Variants in PTPN11 observed in about 807,000 individuals in gnomAD.
The protein encoded by PTPN11 is protein tyrosine phosphatase non-receptor type 11.
A neutral mutation model predicts 78.8 loss-of-function variants in PTPN11; 6 were observed. The ratio of observed to expected loss-of-function variants is 0.08; its 90% CI spans 0.04 to 0.15. The LOEUF (loss-of-function observed/expected upper bound fraction) is 0.15. PTPN11 is among the 10% of genes least tolerant of loss of function. The pLI, the probability that PTPN11 is intolerant of heterozygous loss-of-function variation, is 1.00. For missense variants in PTPN11, 386 were observed against 744.8 expected (o/e 0.52, Z 5.61); for synonymous variants, 221 against 263.5 (o/e 0.84, Z 1.56).
chr12:112,424,891 A>ATGTG lies in PTPN11; in HGVS notation c.14+5791_14+5794dup, dbSNP rs1223840459. On this transcript the variant is annotated intron_variant, in intron 1 of 15. Coordinates refer to ENST00000351677, the MANE Select transcript of PTPN11 (RefSeq NM_002834.5). ...ATTGTGTGTGTGTGTGTGTGTGTGT[A>ATGTG]TGTGTGTGTGTGTGTGTGTGTGTGT... Among the ~76,000 whole-genome samples, 450 of 80,040 alleles carry ATGTG rather than the reference A, an allele frequency of 5.6e-3. 4 individuals are homozygous for ATGTG. The highest frequency in any genetic ancestry group is 0.013 in the African/African-American group (319 of 24,020). The allele number at this position is 80,040 out of a possible 152,430, so 52.5% of individuals were successfully genotyped here.
chr12:112,489,232 AC>A (rs2038717228), intron 13 of PTPN11, 57 bp downstream of exon 13: 1 of 1,597,598 alleles, frequency 6.3e-7, no homozygotes, highest in African/African-American at 1.3e-5. Flanking sequence ...CCTCTTGGAT[AC>A]GCTCTCCTTT....
At position 112,504,639 on chromosome 12, in the gene PTPN11, C is replaced by A; in HGVS notation, c.1713-56C>A. 1 of 1,306,164 alleles carries A rather than the reference C, an allele frequency of 7.7e-7. No homozygotes were observed. The highest frequency in any genetic ancestry group is 1.1e-6 in the Non-Finnish European group (1 of 913,278). The allele number at this position is 1,306,164 out of a possible 1,614,324, so 80.9% of individuals were successfully genotyped here. A position where few individuals can be genotyped will look rare whatever the true frequency, so the allele number is the denominator to read the frequency against. On this transcript the variant is annotated intron_variant, in intron 14 of 15. Transcript: ENST00000351677. The surrounding 1 kb of genome is among the most constrained non-coding windows in gnomAD (Gnocchi z 4.7). Reference sequence around the variant, plus strand: ...ATGTGTTTTATAGATATCATGTAAGCTTAAACAGCGTGGTCTACATTTTTG... The same window carrying A: ...ATGTGTTTTATAGATATCATGTAAGATTAAACAGCGTGGTCTACATTTTTG...
At chr12:112,430,362 A>G (rs1765000221) in intron 1 of PTPN11, among the ~76,000 whole-genome samples, 2 of 152,182 alleles carry the variant, frequency 1.3e-5, no homozygotes, top group South Asian at 2.1e-4. Context: ...TAGTGTTTGT[A>G]ACAATGTAAG....
intron 1 of PTPN11, among the ~76,000 whole-genome samples, chr12:112,424,956 TTGTGTGTGTGTGTGTGTGTGTGTGTGTG>T (rs34463047): frequency 0.02 from 1,778 of 89,112 alleles, 54 homozygotes; most frequent in African/African-American, 0.071. Context: ...GTCAGGCTAA[TTGTGTGTGTGTGTGTGTGTGTGTGTGTG>T]TGTGTGTGTG....
intron 1 of PTPN11, among the ~76,000 whole-genome samples, chr12:112,421,824 T>C (rs1390084990): frequency 1.3e-5 from 2 of 152,068 alleles, no homozygotes; most frequent in African/African-American, 4.8e-5. Context: ...GACAGGGTTT[T>C]GCCATGTTGG....
intron 7 of PTPN11, among the ~76,000 whole-genome samples, chr12:112,473,967 C>T (rs2135896199): frequency 6.6e-6 from 1 of 152,316 alleles, no homozygotes; most frequent in East Asian, 1.9e-4. Context: ...ACTGTAGCCT[C>T]AACCTCCTGG....
At chr12:112,486,883 T>G in intron 11 of PTPN11, 1 of 1,408,780 alleles carries the variant, frequency 7.1e-7, no homozygotes. Context: ...GCATTATCTC[T>G]GAGTCCACCA....
intron 1 of PTPN11, among the ~76,000 whole-genome samples, chr12:112,422,984 A>G (rs1175225235): frequency 2.6e-5 from 4 of 152,188 alleles, no homozygotes; most frequent in African/African-American, 9.6e-5. Context: ...ATCCAACGCC[A>G]ATGTTTTTAA....
At chr12:112,459,357 C>T (rs1312582368) in intron 6 of PTPN11, among the ~76,000 whole-genome samples, 1 of 151,748 alleles carries the variant, frequency 6.6e-6, no homozygotes, top group Non-Finnish European at 1.5e-5. Flanking sequence ...GCATTAACAA[C>T]TGTTGATAAT....
chr12:112,431,022 G>T (rs28579210), intron 1 of PTPN11, among the ~76,000 whole-genome samples: 275 of 152,328 alleles, frequency 1.8e-3, no homozygotes, highest in African/African-American at 6.2e-3. Flanking sequence ...TGCTGGTGGG[G>T]CCAGTTTGAA....
chr12:112,506,924 G>T lies in PTPN11; in HGVS notation c.*1132G>T. ...AAAACTTAAGTCCAGAATTGTCACA[G>T]TGTCCCTTCTACTTCCCTCTATTGA... On this transcript the variant is annotated 3_prime_UTR_variant, in exon 16 of 16. Coordinates refer to ENST00000351677, the MANE Select transcript of PTPN11 (RefSeq NM_002834.5). 4.6e-6 allele frequency: 1 copy of T among 215,690 alleles called. No homozygotes were observed. Among genetic ancestry groups the T allele is most frequent in the South Asian group, 8.1e-5 (1 of 12,326 alleles). 13.4% of individuals were successfully genotyped at this position (215,690 alleles called of 1,614,324 possible). A position where few individuals can be genotyped will look rare whatever the true frequency, so the allele number is the denominator to read the frequency against.
intron 13 of PTPN11, among the ~76,000 whole-genome samples, chr12:112,495,243 A>T (rs1194097943): frequency 6.6e-6 from 1 of 152,220 alleles, no homozygotes; most frequent in Non-Finnish European, 1.5e-5. Flanking sequence ...CAGTTTTCCA[A>T]TGAATATCCT....
intron 1 of PTPN11, among the ~76,000 whole-genome samples, chr12:112,433,563 TAAC>T (rs2037744776): frequency 6.6e-6 from 1 of 152,194 alleles, no homozygotes; most frequent in African/African-American, 2.4e-5. Context: ...TTATTTGTAA[TAAC>T]AAAAAACCAG....
rs539150092 is a variant in PTPN11 at position 112,481,820 on chromosome 12, C to G, written c.1093-254C>G. ...TTCTTTACAGATAAACAAACATTGA[C>G]TCTGCTTTGACATGTGCTTGGATCA... On this transcript the variant is annotated intron_variant, in intron 9 of 15. Coordinates refer to ENST00000351677, the MANE Select transcript of PTPN11 (RefSeq NM_002834.5). Among the ~76,000 whole-genome samples, 9 of 152,102 alleles carry G rather than the reference C, an allele frequency of 5.9e-5. 2 individuals carry two copies. The South Asian group carries it at 1.9e-3, about 32-fold the overall frequency.
intron 1 of PTPN11, among the ~76,000 whole-genome samples, chr12:112,426,811 T>A (rs1011873439): frequency 5.9e-5 from 9 of 152,084 alleles, no homozygotes; most frequent in Non-Finnish European, 1.5e-5. Flanking sequence ...TTATTTATTT[T>A]ATTTTTGTAG....
rs1403305619 is a variant in PTPN11 at position 112,482,553 on chromosome 12, G to C, written c.1224+348G>C. ...AGTTCGAGACCAGCCCTGGGTGGGAGACTGGGATAGGGTGACCTGAGTGGC... is the reference window on the plus strand; with the variant it reads ...AGTTCGAGACCAGCCCTGGGTGGGACACTGGGATAGGGTGACCTGAGTGGC... On this transcript the variant is annotated intron_variant, in intron 10 of 15. Transcript: ENST00000351677. The surrounding 1 kb of genome is among the most constrained non-coding windows in gnomAD (Gnocchi z 4.4). Among the ~76,000 whole-genome samples the C allele has an allele frequency of 6.6e-6, 1 of 152,204 alleles. No homozygotes were observed. The highest frequency in any genetic ancestry group is 1.5e-5 in the Non-Finnish European group (1 of 68,040).
chr12:112,478,987 A>G (rs1313774645), intron 9 of PTPN11, among the ~76,000 whole-genome samples: 1 of 151,802 alleles, frequency 6.6e-6, no homozygotes, highest in Non-Finnish European at 1.5e-5. Context: ...ACCTTCCTTG[A>G]CCTCCCAAAG....
chr12:112,461,997 T>C (rs1264924327), intron 6 of PTPN11, among the ~76,000 whole-genome samples: 2 of 152,228 alleles, frequency 1.3e-5, no homozygotes, highest in African/African-American at 4.8e-5. Flanking sequence ...CCCAATAATA[T>C]GATTACTGAA....
intron 2 of PTPN11, among the ~76,000 whole-genome samples, chr12:112,447,719 C>T (rs574324720): frequency 6.7e-6 from 1 of 150,296 alleles, no homozygotes; most frequent in East Asian, 2.0e-4. Flanking sequence ...AGGCTGGTCT[C>T]AAACTCCTGA....
Sources: allele counts gnomAD v4.1 joint callset (sites outside exome capture counted in the v4.1 genomes callset), GRCh38; gene constraint gnomAD v4.1.1; non-coding constraint Gnocchi (gnomAD v3.1); transcripts MANE v1.5; gene names NCBI Gene and HGNC (gene_info 2026-07-23, HGNC 2026-07-21).